Variants in RPL4 observed in about 807,000 individuals in gnomAD.
RPL4 encodes ribosomal protein L4, also known as large ribosomal subunit protein uL4.
Under a neutral mutation model 47.7 loss-of-function variants are expected in RPL4, and 3 were observed. That is an observed-to-expected ratio of 0.06 (90% CI 0.03 to 0.16). RPL4 has a LOEUF of 0.16. RPL4 is among the 10% of genes least tolerant of loss of function. The pLI is 1.00. For synonymous variants in RPL4, 208 were observed against 182.1 expected, an observed-to-expected ratio of 1.14 and a Z score of -1.15; for missense variants, 413 against 551.3, an observed-to-expected ratio of 0.75 and a Z score of 2.51.
chr15:66,502,605 T>A lies in RPL4; in HGVS notation c.421+7A>T. 2 of 1,610,824 alleles carry A rather than the reference T, an allele frequency of 1.2e-6. No individual in the cohort carries two copies. The highest frequency in any genetic ancestry group is 1.7e-6 in the Non-Finnish European group (2 of 1,179,502). On this transcript the variant is annotated splice_region_variant and intron_variant, in intron 4 of 9. Coordinates refer to ENST00000307961, the MANE Select transcript of RPL4 (RefSeq NM_000968.4). ...TATCAAACTCTCTTATATAAAGTATTACAAACCTTTAGACATGACCAGTGC... is the reference window on the plus strand; with the variant it reads ...TATCAAACTCTCTTATATAAAGTATAACAAACCTTTAGACATGACCAGTGC...
Position 66,499,611 on chromosome 15 carries a change from T to TGCC in RPL4, c.1077_1079dup (p.Ala360dup). On this transcript the variant is annotated inframe_insertion, in exon 10 of 10. Coordinates refer to ENST00000307961, the MANE Select transcript of RPL4 (RefSeq NM_000968.4). ...CCTTCTCATCTGATTTGGCTTGTAG[T>TGCC]GCCGCTGCTGCAGCAGCTGCCTTAT... 1 of 1,613,980 alleles carries TGCC rather than the reference T, an allele frequency of 6.2e-7. No homozygotes were observed.
intron 1 of RPL4, among the ~76,000 whole-genome samples, chr15:66,504,010 C>T (rs1214731285): frequency 6.6e-6 from 1 of 151,658 alleles, no homozygotes; most frequent in Non-Finnish European, 1.5e-5. Flanking sequence ...CTGAGGCTGA[C>T]CTACACCATC....
chr15:66,504,646 T>C, intron 1 of RPL4, 142 bp downstream of exon 1: 2 of 1,246,268 alleles, frequency 1.6e-6, no homozygotes, highest in Non-Finnish European at 2.2e-6. Context: ...CACATCCCAG[T>C]TCCACACCAG....
chr15:66,498,836 G>C lies in RPL4; in HGVS notation c.*571C>G, dbSNP rs73471765. 0.09 allele frequency: 13,827 copies of C among 153,368 alleles called. 2,082 individuals carry two copies. The highest frequency in any genetic ancestry group is 0.32 in the African/African-American group (13,102 of 41,434). The allele number at this position is 153,368 out of a possible 1,614,324, so 9.5% of individuals were successfully genotyped here. ...TTGAACTCATTGGCTCAAGTGCTCTGCCCACCTTAGGGTCCCAAAGTGTTG... is the reference window on the plus strand; with the variant it reads ...TTGAACTCATTGGCTCAAGTGCTCTCCCCACCTTAGGGTCCCAAAGTGTTG... On this transcript the variant is annotated 3_prime_UTR_variant, in exon 10 of 10. Transcript: ENST00000307961.
At position 66,501,516 on chromosome 15, in the gene RPL4, G is replaced by C. The variant is rs372120666; in HGVS notation, c.547-12C>G. ...TGAGAGGCATAGACCTACAAAGTGA[G>C]CAGTTTTAGTATTCTGATTAAGATA... On this transcript the variant is annotated splice_polypyrimidine_tract_variant and intron_variant, in intron 5 of 9. Transcript: ENST00000307961. 1.9e-6 allele frequency: 3 copies of C among 1,613,764 alleles called. No individual in the cohort carries two copies. The African/African-American group carries it at 4.0e-5, about 22-fold the overall frequency.
Position 66,501,065 on chromosome 15 carries a change from C to T in RPL4, c.717G>A (p.Lys239=), listed in dbSNP as rs141885482. Residue 239 remains lysine, a synonymous_variant, in exon 7 of 10, where the codon AAG becomes AAA. Transcript: ENST00000307961. ...GTCCCACATGCCCACCAGGAGCAAG[C>T]TTCAAAATGTTCAGCTTGCTTACAT... is the stretch of plus-strand genomic sequence containing the variant. ...LLNVSKLNIL[K]LAPGGHVGRF... 4.9e-4 allele frequency: 788 copies of T among 1,613,906 alleles called. 6 individuals are homozygous for T. The highest frequency in any genetic ancestry group is 1.0e-4 in the Non-Finnish European group (118 of 1,180,032).
At position 66,504,843 on chromosome 15, in the gene RPL4, A is replaced by G. The variant is rs901890960; in HGVS notation, c.-53T>C. ...TCTCAGCCCGGCTGCTGCCACAGGA[A>G]AAGGAAGTGCTTACCACTCCCGCTG... On this transcript the variant is annotated 5_prime_UTR_variant, in exon 1 of 10. Transcript: ENST00000307961. 1 of 1,605,532 alleles carries G rather than the reference A, an allele frequency of 6.2e-7. No individual in the cohort carries two copies. The highest frequency in any genetic ancestry group is 1.7e-5 in the Admixed American group (1 of 59,262).
At chr15:66,500,457 C>A in intron 7 of RPL4, 81 bp from the exon 8 acceptor site, 1 of 1,199,146 alleles carries the variant, frequency 8.3e-7, no homozygotes, top group Non-Finnish European at 1.2e-6. Flanking sequence ...TTATTTTTAG[C>A]CACTATGCTC....
intron 7 of RPL4, chr15:66,500,728 G>A: frequency 1.7e-6 from 1 of 592,186 alleles, no homozygotes; most frequent in Non-Finnish European, 2.9e-6. Flanking sequence ...GCTGCAGTAA[G>A]CCACGATCAC....
intron 5 of RPL4, 141 bp from the exon 6 acceptor site, chr15:66,501,645 G>A (rs1893617610): frequency 6.7e-7 from 1 of 1,494,094 alleles, no homozygotes; most frequent in Non-Finnish European, 9.0e-7. Flanking sequence ...CAGCAGTTAG[G>A]ATTCAAACCC....
intron 1 of RPL4, 69 bp from the exon 2 acceptor site, chr15:66,503,598 A>T (rs184180799): frequency 6.8e-7 from 1 of 1,470,246 alleles, no homozygotes; most frequent in South Asian, 1.3e-5. Flanking sequence ...TCATACGCCA[A>T]CAATACCATT....
chr15:66,501,457 G>A lies in RPL4; in HGVS notation c.594C>T (p.Asn198=), dbSNP rs146070182. 0.024 allele frequency: 39,483 copies of A among 1,614,122 alleles called. 675 individuals are homozygous for A. The highest frequency in any genetic ancestry group is 0.065 in the South Asian group (5,893 of 91,078). Residue 198 remains asparagine (N), a synonymous_variant, in exon 6 of 10, where the codon AAC becomes AAT. Coordinates refer to ENST00000307961, the MANE Select transcript of RPL4 (RefSeq NM_000968.4). ...GGCCCCTGCGCTGGATACGGCGACGGTTTCTCATTTTGCCTTTGCCAGCTC... is the reference window on the plus strand; with the variant it reads ...GGCCCCTGCGCTGGATACGGCGACGATTTCTCATTTTGCCTTTGCCAGCTC... The part of the protein sequence containing the change: ...RMRAGKGKMR[N]RRRIQRRGPC...
In RPL4 at chr15:66,502,767, G is replaced by A. The variant is rs1318929560; in HGVS notation, c.283-17C>T. On this transcript the variant is annotated splice_polypyrimidine_tract_variant and intron_variant, in intron 3 of 9. Coordinates refer to ENST00000307961, the MANE Select transcript of RPL4 (RefSeq NM_000968.4). ...ACGACACATCTATTTTTCCAGTCAA[G>A]AATCACATTTCTCAAATTTTAGTAA... 1.2e-6 allele frequency: 2 copies of A among 1,613,888 alleles called. No individual in the cohort carries two copies. The highest frequency in any genetic ancestry group is 2.7e-5 in the African/African-American group (2 of 74,886).
chr15:66,499,315 T>A lies in RPL4; in HGVS notation c.*92A>T. On this transcript the variant is annotated 3_prime_UTR_variant, in exon 10 of 10. Transcript: ENST00000307961. ...ACCAAGCTTTACAGAGCACACCAAG[T>A]CATGTTTCTCACTGCCTGTATAATC... is the stretch of plus-strand genomic sequence containing the variant. The A allele has an allele frequency of 6.8e-7, 1 of 1,472,836 alleles. No homozygotes were observed. The highest frequency in any genetic ancestry group is 2.2e-5 in the Admixed American group (1 of 45,576). 91.2% of individuals were successfully genotyped at this position (1,472,836 alleles called of 1,614,324 possible).
chr15:66,504,814 C>G lies in RPL4; in HGVS notation c.-24G>C, dbSNP rs371027636. On this transcript the variant is annotated 5_prime_UTR_variant, in exon 1 of 10. Coordinates refer to ENST00000307961, the MANE Select transcript of RPL4 (RefSeq NM_000968.4). ...ATGGCGGAGAGAGGAGACAGCCACGCTCCTCTCAGCCCGGCTGCTGCCACA... is the reference window on the plus strand; with the variant it reads ...ATGGCGGAGAGAGGAGACAGCCACGGTCCTCTCAGCCCGGCTGCTGCCACA... 2.1e-5 allele frequency: 34 copies of G among 1,610,608 alleles called. No homozygotes were observed. In the African/African-American group the frequency reaches 3.1e-4, roughly 15 times the overall value.
chr15:66,500,973 G>A lies in RPL4; in HGVS notation c.809C>T (p.Ala270Val). The change falls in exon 7 of 10, where the codon GCC becomes GTC. Residue 270 changes from alanine (A) to valine (V), a missense_variant. Transcript: ENST00000307961. ...CTTGTAGTTACTCTTGAGGGAAGCG[G>A]CTTTACGCCAAGTGCCGTACAATTC... ...LDELYGTWRKAASLKSNYNLP... is the reference protein window; with the variant it reads ...LDELYGTWRKVASLKSNYNLP... 1 of 1,613,950 alleles carries A rather than the reference G, an allele frequency of 6.2e-7. No homozygotes were observed. Among genetic ancestry groups the A allele is most frequent in the African/African-American group, 1.3e-5 (1 of 75,050 alleles).
chr15:66,500,865 TA>T, intron 7 of RPL4, 83 bp downstream of exon 7: 1 of 1,494,770 alleles, frequency 6.7e-7, no homozygotes, highest in Non-Finnish European at 9.1e-7. Flanking sequence ...GAAATGGGAA[TA>T]AATTTAGAAA....
Position 66,501,050 on chromosome 15 carries a change from C to T in RPL4, c.732G>A (p.Gly244=), listed in dbSNP as rs1893601142. 6.2e-7 allele frequency: 1 copy of T among 1,614,018 alleles called. No homozygotes were observed. Residue 244 remains glycine, a synonymous_variant, in exon 7 of 10, where the codon GGG becomes GGA. Transcript: ENST00000307961. ...KLNILKLAPG[G]HVGRFCIWTE... ...TCCAAATGCAGAAACGTCCCACATG[C>T]CCACCAGGAGCAAGCTTCAAAATGT...
chr15:66,504,698 T>C (rs1038023784), intron 1 of RPL4, 90 bp downstream of exon 1: 4 of 1,563,776 alleles, frequency 2.6e-6, no homozygotes, highest in South Asian at 1.2e-5. Context: ...CCTCGCTCTA[T>C]CTCCTACAGA....
Sources: gnomAD v4.1 joint callset for allele counts (sites outside exome capture counted in the v4.1 genomes callset) on GRCh38, gnomAD v4.1.1 for gene constraint, MANE v1.5 for transcripts, NCBI Gene and HGNC (gene_info 2026-07-23, HGNC 2026-07-21) for gene names.